The following CDK14 variants were observed in gnomAD, a reference collection of about 807,000 sequenced individuals.
CDK14 encodes cyclin dependent kinase 14, also known as cyclin-dependent kinase 14.
A neutral mutation model predicts 60.7 loss-of-function variants in CDK14; 34 were observed. The ratio of observed to expected loss-of-function variants is 0.56; its 90% CI spans 0.43 to 0.75. CDK14 has a LOEUF of 0.75. CDK14 is among the 30% of genes least tolerant of loss of function. The probability of loss-of-function intolerance (pLI) is 0.00; values close to 1 mark genes in which losing one functional copy is unlikely to be tolerated. For synonymous variants in CDK14, 197 were observed against 203.7 expected, an observed-to-expected ratio of 0.97 and a Z score of 0.28; for missense variants, 482 against 564.1, an observed-to-expected ratio of 0.85 and a Z score of 1.47.
intron 4 of CDK14, among the ~76,000 whole-genome samples, chr7:90,782,393 T>C (rs1374829543): frequency 2.0e-5 from 3 of 152,180 alleles, no homozygotes; most frequent in Admixed American, 2.0e-4. Flanking sequence ...CTTTTCCTAA[T>C]TGAATACCCT....
At chr7:90,765,046 A>G (rs964138306) in intron 4 of CDK14, among the ~76,000 whole-genome samples, 1 of 152,336 alleles carries the variant, frequency 6.6e-6, no homozygotes, top group Admixed American at 6.5e-5. Flanking sequence ...TTGAAAGACA[A>G]GCCCCTGGGG....
intron 3 of CDK14, among the ~76,000 whole-genome samples, chr7:90,727,199 T>A (rs778916923): frequency 6.6e-6 from 1 of 152,170 alleles, no homozygotes; most frequent in Non-Finnish European, 1.5e-5. Context: ...AGAATAAATA[T>A]CAAAATTTGT....
chr7:90,614,659 A>G (rs755315233), intron 2 of CDK14, among the ~76,000 whole-genome samples: 1 of 152,016 alleles, frequency 6.6e-6, no homozygotes, highest in African/African-American at 2.4e-5. Context: ...TATTGCCCAG[A>G]CTGGTCTTGA....
Position 90,921,251 on chromosome 7 carries a change from A to G in CDK14, c.826+3527A>G, listed in dbSNP as rs1584125625. Among the ~76,000 whole-genome samples, 4 of 152,020 alleles carry G rather than the reference A, an allele frequency of 2.6e-5. No homozygotes were observed. In the South Asian group the frequency reaches 8.3e-4, roughly 32 times the overall value. On this transcript the variant is annotated intron_variant, in intron 8 of 14. Coordinates refer to ENST00000380050, the MANE Select transcript of CDK14 (RefSeq NM_001287135.2). ...CAAATCCCAAACTTCTTTCCACTAGAGGCTTTCAGTTTGCCTTTCCTTTTG... is the reference window on the plus strand; with the variant it reads ...CAAATCCCAAACTTCTTTCCACTAGGGGCTTTCAGTTTGCCTTTCCTTTTG...
At chr7:91,043,021 G>A (rs1047363207) in intron 10 of CDK14, among the ~76,000 whole-genome samples, 1 of 152,124 alleles carries the variant, frequency 6.6e-6, no homozygotes, top group African/African-American at 2.4e-5. Flanking sequence ...TGCCTTTTCT[G>A]TGTAAATGGT....
At chr7:91,189,060 A>G (rs1445803238) in intron 14 of CDK14, among the ~76,000 whole-genome samples, 5 of 152,210 alleles carry the variant, frequency 3.3e-5, no homozygotes, top group Non-Finnish European at 5.9e-5. Context: ...TCGTCATTTT[A>G]CTTCATCATT....
chr7:90,994,721 G>A lies in CDK14; in HGVS notation c.1041+10480G>A, dbSNP rs1048936069. 8.0e-4 allele frequency among the ~76,000 whole-genome samples: 121 copies of A among 152,122 alleles called. 1 individual carries two copies. Among genetic ancestry groups the A allele is most frequent in the African/African-American group, 2.7e-3 (113 of 41,424 alleles). Reference sequence around the variant, plus strand: ...CATGAATTGTCAAGAGTGTTACTTCGTGGGTCATGAGGTCCCTCATTTGCT... The same window carrying A: ...CATGAATTGTCAAGAGTGTTACTTCATGGGTCATGAGGTCCCTCATTTGCT... On this transcript the variant is annotated intron_variant, in intron 10 of 14. Coordinates refer to ENST00000380050, the MANE Select transcript of CDK14 (RefSeq NM_001287135.2).
intron 2 of CDK14, among the ~76,000 whole-genome samples, chr7:90,676,657 G>C (rs981099854): frequency 9.9e-5 from 15 of 151,896 alleles, no homozygotes; most frequent in Admixed American, 9.9e-4. Flanking sequence ...CTCAGCCTTG[G>C]GAGTAGCTGG....
At chr7:91,151,481 T>C (rs1800826137) in intron 14 of CDK14, among the ~76,000 whole-genome samples, 1 of 152,212 alleles carries the variant, frequency 6.6e-6, no homozygotes, top group East Asian at 1.9e-4. Context: ...GGACCTGAGT[T>C]TCTCTAACTC....
intron 9 of CDK14, among the ~76,000 whole-genome samples, chr7:90,967,052 C>A (rs1376416621): frequency 6.7e-6 from 1 of 149,270 alleles, no homozygotes; most frequent in African/African-American, 2.5e-5. Flanking sequence ...AGAACCAGGT[C>A]TTTCTCACCT....
chr7:90,915,001 T>C (rs975726498), intron 7 of CDK14, among the ~76,000 whole-genome samples: 14 of 151,992 alleles, frequency 9.2e-5, no homozygotes, highest in African/African-American at 3.4e-4. Context: ...CCTGGGAGCA[T>C]GGAGAAGGAG....
intron 5 of CDK14, among the ~76,000 whole-genome samples, chr7:90,816,391 A>G (rs6962407): frequency 6.6e-6 from 1 of 152,188 alleles, no homozygotes; most frequent in Non-Finnish European, 1.5e-5. Context: ...GTTCACTGTT[A>G]TTCTACTAAA....
chr7:90,826,649 A>T (rs1161896643), intron 5 of CDK14, among the ~76,000 whole-genome samples: 1 of 152,148 alleles, frequency 6.6e-6, no homozygotes, highest in Non-Finnish European at 1.5e-5. Context: ...TTAATTAAAA[A>T]ATTTTTTAAA....
At chr7:91,126,818 T>G (rs933401217) in intron 14 of CDK14, among the ~76,000 whole-genome samples, 3 of 151,986 alleles carry the variant, frequency 2.0e-5, no homozygotes, top group African/African-American at 7.3e-5. Flanking sequence ...TCCCTCATTC[T>G]CTCACTCGCT....
At chr7:90,811,808 A>G (rs896731081) in intron 5 of CDK14, among the ~76,000 whole-genome samples, 1 of 152,246 alleles carries the variant, frequency 6.6e-6, no homozygotes, top group Non-Finnish European at 1.5e-5. Flanking sequence ...TGGGCGAAGG[A>G]TATGAAGAGA....
chr7:90,978,788 G>A (rs1795146626), intron 9 of CDK14, among the ~76,000 whole-genome samples: 1 of 152,076 alleles, frequency 6.6e-6, no homozygotes, highest in Non-Finnish European at 1.5e-5. Flanking sequence ...TTGACAAAAT[G>A]CAGGAAACTT....
chr7:90,621,202 T>G (rs931047656), intron 2 of CDK14, among the ~76,000 whole-genome samples: 1 of 152,190 alleles, frequency 6.6e-6, no homozygotes, highest in African/African-American at 2.4e-5. Flanking sequence ...TCCTCGTTTT[T>G]GGGTTGGTGC....
At chr7:90,809,711 A>G (rs1397322165) in intron 5 of CDK14, among the ~76,000 whole-genome samples, 1 of 152,230 alleles carries the variant, frequency 6.6e-6, no homozygotes, top group African/African-American at 2.4e-5. Flanking sequence ...AACAAAATTG[A>G]TAGACCGCTA....
chr7:90,874,964 A>G (rs1205866683), intron 6 of CDK14, among the ~76,000 whole-genome samples: 3 of 152,102 alleles, frequency 2.0e-5, no homozygotes, highest in Non-Finnish European at 4.4e-5. Flanking sequence ...CTACAACCTA[A>G]TTTTACAATT....
Sources: gnomAD v4.1 joint callset for allele counts (sites outside exome capture counted in the v4.1 genomes callset) on GRCh38, gnomAD v4.1.1 for gene constraint, MANE v1.5 for transcripts, NCBI Gene and HGNC (gene_info 2026-07-23, HGNC 2026-07-21) for gene names.